FBN2: variants seen among roughly 807,000 people sequenced by gnomAD.
FBN2 encodes fibrillin-2.
Under a neutral mutation model 355.6 loss-of-function variants are expected in FBN2, and 105 were observed. The ratio of observed to expected loss-of-function variants is 0.30; its 90% CI spans 0.25 to 0.35. The LOEUF is 0.35. Ranked by LOEUF, FBN2 falls within the 10% of genes least tolerant of loss-of-function variation. FBN2 has a pLI of 1.00. For missense variants in FBN2, 3,280 were observed against 3,758.7 expected (o/e 0.87, Z 3.33); for synonymous variants, 1,350 against 1,301.2 (o/e 1.04, Z -0.81).
chr5:128,452,919 T>C (rs1226227720), intron 6 of FBN2, among the ~76,000 whole-genome samples: 1 of 152,164 alleles, frequency 6.6e-6, no homozygotes, highest in Non-Finnish European at 1.5e-5. Flanking sequence ...CCAGTGCTTA[T>C]TATTTCCATT....
intron 6 of FBN2, 112 bp from the exon 7 acceptor site, chr5:128,446,718 T>A: frequency 8.7e-7 from 1 of 1,150,284 alleles, no homozygotes; most frequent in Non-Finnish European, 1.3e-6. Context: ...TCAGTTTTTC[T>A]CAAGAGAGTG....
chr5:128,356,154 G>A (rs555186160), intron 20 of FBN2, among the ~76,000 whole-genome samples: 139 of 138,350 alleles, frequency 1.0e-3, no homozygotes, highest in Non-Finnish European at 1.9e-3. Context: ...AACCCAGCCC[G>A]GAATTCTATA....
At chr5:128,272,324 C>T (rs1332581245) in intron 61 of FBN2, among the ~76,000 whole-genome samples, 3 of 151,948 alleles carry the variant, frequency 2.0e-5, no homozygotes, top group Non-Finnish European at 2.9e-5. Flanking sequence ...GAGACCAGCT[C>T]ATTCTTCTGC....
chr5:128,537,343 C>G lies in FBN2; in HGVS notation c.254+7G>C. 6.2e-7 allele frequency: 1 copy of G among 1,610,048 alleles called. No homozygotes were observed. The highest frequency in any genetic ancestry group is 8.5e-7 in the Non-Finnish European group (1 of 1,179,808). ...AGCCCTAGGTGCGGAGCCGCTTGCC[C>G]ACTTACCCTCGGAGCACGTCCTGCT... On this transcript the variant is annotated splice_region_variant and intron_variant, in intron 1 of 64. Coordinates refer to ENST00000262464, the MANE Select transcript of FBN2 (RefSeq NM_001999.4).
Position 128,258,123 on chromosome 5 carries a change from G to C in FBN2, c.*1332C>G, listed in dbSNP as rs899671634. On this transcript the variant is annotated 3_prime_UTR_variant, in exon 65 of 65. Coordinates refer to ENST00000262464, the MANE Select transcript of FBN2 (RefSeq NM_001999.4). Reference sequence around the variant, plus strand: ...ATCTTTGGTCAGCACAGGTTTGAGAGGAACAACCAGGAGCCTGCATGTGCT... The same window carrying C: ...ATCTTTGGTCAGCACAGGTTTGAGACGAACAACCAGGAGCCTGCATGTGCT... The C allele has an allele frequency of 2.0e-5, 3 of 152,540 alleles. No individual in the cohort carries two copies. The highest frequency in any genetic ancestry group is 7.2e-5 in the African/African-American group (3 of 41,396). The allele number at this position is 152,540 out of a possible 1,614,324, so 9.4% of individuals were successfully genotyped here. A position where few individuals can be genotyped will look rare whatever the true frequency, so the allele number is the denominator to read the frequency against.
intron 7 of FBN2, among the ~76,000 whole-genome samples, chr5:128,414,309 A>G (rs777468885): frequency 2.0e-5 from 3 of 152,132 alleles, no homozygotes; most frequent in Non-Finnish European, 4.4e-5. Context: ...AGCCCTACGC[A>G]ACCACTGATC....
chr5:128,342,237 G>C (rs1751042931), intron 25 of FBN2, among the ~76,000 whole-genome samples: 1 of 152,118 alleles, frequency 6.6e-6, no homozygotes, highest in African/African-American at 2.4e-5. Context: ...AGAAGAATCT[G>C]TAGAGGTTAG....
intron 55 of FBN2, among the ~76,000 whole-genome samples, 158 bp from the exon 56 acceptor site, chr5:128,280,475 C>A (rs1765506825): frequency 6.6e-6 from 1 of 151,856 alleles, no homozygotes; most frequent in African/African-American, 2.4e-5. Flanking sequence ...TTATTTTTAG[C>A]TTTACTTCAT....
At chr5:128,326,888 CT>C (rs370333907) in intron 34 of FBN2, among the ~76,000 whole-genome samples, 134 of 152,204 alleles carry the variant, frequency 8.8e-4, no homozygotes, top group Non-Finnish European at 1.6e-3. Context: ...TTAGCACCAT[CT>C]TGGGGGAGAG....
At position 128,287,316 on chromosome 5, in the gene FBN2, A is replaced by C. The variant is rs1286877224; in HGVS notation, c.6872T>G (p.Met2291Arg). ...CGAGTCTGAGGCCTTACCTTTGCAC[A>C]TCTTTTGATCTTCCCTGAGGGCATA... Reference protein sequence around the residue: ...IGYALREDQKMCKDLDECAEG... With the variant: ...IGYALREDQKRCKDLDECAEG... The change falls in exon 54 of 65, where the codon ATG becomes AGG. Residue 2291 changes from methionine (M) to arginine (R), a missense_variant. By Grantham distance (91) the Met-to-Arg change is moderately conservative (BLOSUM62 -1). Around this residue, in one of 6 missense-constraint regions of FBN2, gnomAD observed 2,284 missense variants for 2,749.5 expected, o/e 0.83. Transcript: ENST00000262464. The C allele has an allele frequency of 6.2e-7, 1 of 1,613,980 alleles. No homozygotes were observed.
chr5:128,424,475 C>G (rs1168063436), intron 7 of FBN2, among the ~76,000 whole-genome samples: 1 of 152,072 alleles, frequency 6.6e-6, no homozygotes, highest in African/African-American at 2.4e-5. Flanking sequence ...TGGAAAACAA[C>G]AAGGGTTATG....
At chr5:128,421,559 G>C in intron 7 of FBN2, among the ~76,000 whole-genome samples, 1 of 152,254 alleles carries the variant, frequency 6.6e-6, no homozygotes, top group South Asian at 2.1e-4. Context: ...ACTGTCTAGA[G>C]TAAGTCTTTG....
chr5:128,417,245 G>C (rs989388851), intron 7 of FBN2, among the ~76,000 whole-genome samples: 3 of 152,028 alleles, frequency 2.0e-5, no homozygotes, highest in African/African-American at 7.2e-5. Context: ...AGATCTAAGA[G>C]GTTTTGGTGC....
chr5:128,312,835 C>T (rs1228088810), intron 36 of FBN2, 40 bp from the exon 37 acceptor site: 5 of 1,603,362 alleles, frequency 3.1e-6, no homozygotes, highest in African/African-American at 1.3e-5. Flanking sequence ...CCCTTGCTTA[C>T]ATAGTAAGGA....
chr5:128,461,774 T>A (rs1349978356), intron 6 of FBN2, among the ~76,000 whole-genome samples: 1 of 149,804 alleles, frequency 6.7e-6, no homozygotes, highest in East Asian at 2.0e-4. Context: ...CACCACATGT[T>A]CTCACTCATA....
rs772174478 is a variant in FBN2, at chr5:128,259,880, G to A, written c.8365-51C>T. 3 of 1,602,404 alleles carry A rather than the reference G, an allele frequency of 1.9e-6. No individual in the cohort carries two copies. The African/African-American group carries it at 4.0e-5, about 21-fold the overall frequency. ...GGGACAAGCTTCTACAGCACAAGCA[G>A]AGGACTAGAAAGAGATCAGCTGCAG... On this transcript the variant is annotated intron_variant, in intron 64 of 64. Coordinates refer to ENST00000262464, the MANE Select transcript of FBN2 (RefSeq NM_001999.4).
rs778768517 is a variant in FBN2, at chr5:128,305,679, T to C, written c.5549-43A>G. The C allele has an allele frequency of 5.6e-6, 9 of 1,610,104 alleles. No homozygotes were observed. The Admixed American group carries it at 6.7e-5, about 12-fold the overall frequency. The stretch of plus-strand genomic sequence containing the variant: ...CCATTTTAAAGAGTCCTTTTTAGTA[T>C]TGTATTAGCATTACATTCACGTCAC... On this transcript the variant is annotated intron_variant, in intron 43 of 64. Transcript: ENST00000262464.
intron 5 of FBN2, among the ~76,000 whole-genome samples, chr5:128,515,211 T>C (rs1197914017): frequency 6.6e-6 from 1 of 152,190 alleles, no homozygotes; most frequent in Non-Finnish European, 1.5e-5. Context: ...TAATGGCTAC[T>C]ACAGTTACTT....
intron 34 of FBN2, among the ~76,000 whole-genome samples, chr5:128,321,009 T>G (rs1341346879): frequency 1.3e-5 from 2 of 152,150 alleles, no homozygotes; most frequent in Non-Finnish European, 1.5e-5. Flanking sequence ...ATTTCCACAG[T>G]GTTTAGTACT....
Sources: gnomAD v4.1 joint callset for allele counts (sites outside exome capture counted in the v4.1 genomes callset) on GRCh38, gnomAD v4.1.1 for gene constraint, gnomAD v4.1.1 regional missense constraint, MANE v1.5 for transcripts, NCBI Gene and HGNC (gene_info 2026-07-23, HGNC 2026-07-21) for gene names.